The following SATL1 variants were observed in gnomAD, a reference collection of about 807,000 sequenced individuals.
The protein encoded by SATL1 is spermidine/spermine N1-acetyl transferase like 1, also known as spermidine/spermine N(1)-acetyltransferase-like protein 1.
Under a neutral mutation model 51.8 loss-of-function variants are expected in SATL1, and 47 were observed. The observed-to-expected ratio is 0.91, with a 90% CI of 0.72 to 1.16. The LOEUF (loss-of-function observed/expected upper bound fraction) is 1.16. Ranked by LOEUF, SATL1 falls within the 50% of genes most tolerant of loss-of-function variation. SATL1 has a pLI of 0.00. For missense variants in SATL1, 520 were observed against 526.4 expected (o/e 0.99, Z 0.12); for synonymous variants, 176 against 182.4 (o/e 0.97, Z 0.28).
At chrX:85,168,602 A>C (rs554450478) in intron 2 of SATL1, among the ~76,000 whole-genome samples, 1 of 111,577 alleles carries the variant, frequency 9.0e-6, no homozygotes, top group South Asian at 3.7e-4. Flanking sequence ...ACTACAAAAC[A>C]CTGTTCAAAG....
intron 1 of SATL1, among the ~76,000 whole-genome samples, chrX:85,239,267 A>G (rs1928538854): frequency 8.9e-6 from 1 of 111,862 alleles, no homozygotes; most frequent in African/African-American, 3.2e-5. Context: ...TAAAAATGCC[A>G]TTTACAATAG....
At chrX:85,128,490 G>A (rs1004880176) in intron 2 of SATL1, among the ~76,000 whole-genome samples, 53 of 111,747 alleles carry the variant, frequency 4.7e-4, no homozygotes, top group African/African-American at 1.4e-3. Context: ...TTTTTGATAT[G>A]GTTGTTTGAT....
chrX:85,171,691 T>G (rs1180110865), intron 2 of SATL1, among the ~76,000 whole-genome samples: 1 of 111,567 alleles, frequency 9.0e-6, no homozygotes, highest in Non-Finnish European at 1.9e-5. Flanking sequence ...CTTACCCACC[T>G]TGTGGGAACT....
chrX:85,192,436 A>G (rs1250328264), intron 2 of SATL1, among the ~76,000 whole-genome samples: 2 of 110,732 alleles, frequency 1.8e-5, no homozygotes, highest in African/African-American at 6.6e-5. Context: ...AACCATTTCA[A>G]GGTACTTGGA....
chrX:85,173,567 T>C (rs1211242774), intron 2 of SATL1, among the ~76,000 whole-genome samples: 1 of 110,367 alleles, frequency 9.1e-6, no homozygotes, highest in Non-Finnish European at 1.9e-5. Flanking sequence ...TATTGACAGA[T>C]TTTCAAAGCC....
chrX:85,126,844 C>T (rs765586031), intron 2 of SATL1, among the ~76,000 whole-genome samples: 4 of 108,225 alleles, frequency 3.7e-5, no homozygotes, highest in African/African-American at 1.3e-4. Flanking sequence ...TTTTACCCCC[C>T]CCACCACACC....
chrX:85,240,704 T>C lies in SATL1; in HGVS notation c.-435+2884A>G, dbSNP rs188140998. On this transcript the variant is annotated intron_variant, in intron 1 of 7. Transcript: ENST00000644105. ...GGGGATCCCTCTCTATCGGTATCATTAATCAACTCATGAATTTTTATATAG... is the reference window on the plus strand; with the variant it reads ...GGGGATCCCTCTCTATCGGTATCATCAATCAACTCATGAATTTTTATATAG... Among the ~76,000 whole-genome samples, 802 of 111,497 alleles carry C rather than the reference T, an allele frequency of 7.2e-3. 5 individuals are homozygous for C. Among genetic ancestry groups the C allele is most frequent in the South Asian group, 0.011 (28 of 2,633 alleles).
At chrX:85,171,682 T>C (rs1926975742) in intron 2 of SATL1, among the ~76,000 whole-genome samples, 1 of 111,422 alleles carries the variant, frequency 9.0e-6, no homozygotes, top group African/African-American at 3.3e-5. Context: ...GGGACAAAAC[T>C]TACCCACCTT....
intron 2 of SATL1, among the ~76,000 whole-genome samples, chrX:85,204,831 G>A (rs1927760717): frequency 9.2e-6 from 1 of 108,147 alleles, no homozygotes; most frequent in African/African-American, 3.3e-5. Context: ...AAATATGTAT[G>A]TATTAAATCT....
chrX:85,164,368 T>C (rs778242752), intron 2 of SATL1, among the ~76,000 whole-genome samples: 1 of 111,762 alleles, frequency 8.9e-6, no homozygotes, highest in Admixed American at 9.5e-5. Context: ...TGTATTTTAG[T>C]GTATTTTGAG....
At chrX:85,147,408 A>C (rs1401145626) in intron 2 of SATL1, among the ~76,000 whole-genome samples, 1 of 113,960 alleles carries the variant, frequency 8.8e-6, no homozygotes, top group Admixed American at 9.2e-5. Flanking sequence ...AGACAAACAA[A>C]AAGACAGCAG....
chrX:85,176,240 T>C (rs896333932), intron 2 of SATL1, among the ~76,000 whole-genome samples: 2 of 111,779 alleles, frequency 1.8e-5, no homozygotes, highest in Admixed American at 1.9e-4. Context: ...TTGGTAAAGA[T>C]ATGAAAGCGT....
chrX:85,167,252 G>T (rs373872099), intron 2 of SATL1, among the ~76,000 whole-genome samples: 78 of 68,550 alleles, frequency 1.1e-3, no homozygotes, highest in African/African-American at 3.4e-3. Context: ...TCAGAGAGAT[G>T]GGGGGGGGGT....
At chrX:85,200,760 T>A (rs953224798) in intron 2 of SATL1, among the ~76,000 whole-genome samples, 14 of 111,418 alleles carry the variant, frequency 1.3e-4, no homozygotes, top group Non-Finnish European at 2.6e-4. Flanking sequence ...ATAAAAAAGT[T>A]TTTTTTAAAT....
At chrX:85,161,217 C>A (rs1465315186) in intron 2 of SATL1, among the ~76,000 whole-genome samples, 6 of 111,397 alleles carry the variant, frequency 5.4e-5, no homozygotes, top group Non-Finnish European at 9.4e-5. Context: ...CTGAAATACA[C>A]AGACCAGTGA....
chrX:85,184,614 T>C (rs1927274694), intron 2 of SATL1, among the ~76,000 whole-genome samples: 1 of 112,212 alleles, frequency 8.9e-6, no homozygotes, highest in Non-Finnish European at 1.9e-5. Flanking sequence ...TAAGAGACTC[T>C]GATGCATTCT....
chrX:85,130,030 C>T (rs1452151738), intron 2 of SATL1, among the ~76,000 whole-genome samples: 1 of 111,836 alleles, frequency 8.9e-6, no homozygotes, highest in Non-Finnish European at 1.9e-5. Context: ...TTTTGATGTG[C>T]TGCTGAATTC....
chrX:85,170,251 C>T (rs1926944261), intron 2 of SATL1, among the ~76,000 whole-genome samples: 1 of 110,796 alleles, frequency 9.0e-6, no homozygotes, highest in African/African-American at 3.3e-5. Context: ...CTATAACAAA[C>T]CTGCACATGT....
intron 2 of SATL1, among the ~76,000 whole-genome samples, chrX:85,137,263 A>AC (rs941777577): frequency 9.0e-6 from 1 of 111,345 alleles, no homozygotes; most frequent in African/African-American, 3.3e-5. Context: ...CCCCAATTTT[A>AC]CCCCATGAAA....
Sources: gnomAD v4.1 joint callset for allele counts (sites outside exome capture counted in the v4.1 genomes callset) on GRCh38, gnomAD v4.1.1 for gene constraint, MANE v1.5 for transcripts, NCBI Gene and HGNC (gene_info 2026-07-23, HGNC 2026-07-21) for gene names.